The following ZNF799 variants were observed in gnomAD, a reference collection of about 807,000 sequenced individuals.
ZNF799 encodes the protein zinc finger protein 14.
Under a neutral mutation model 41.0 loss-of-function variants are expected in ZNF799, and 28 were observed. The ratio of observed to expected loss-of-function variants is 0.68; its 90% CI spans 0.51 to 0.94. The LOEUF is 0.94. Ranked by LOEUF, ZNF799 falls within the 40% of genes least tolerant of loss-of-function variation. The probability of loss-of-function intolerance (pLI) is 0.00; values close to 1 mark genes in which losing one functional copy is unlikely to be tolerated. For synonymous variants in ZNF799, 213 were observed against 252.9 expected, an observed-to-expected ratio of 0.84 and a Z score of 1.50; for missense variants, 716 against 764.3, an observed-to-expected ratio of 0.94 and a Z score of 0.74.
At chr19:12,399,265 T>C (rs1372076687) in intron 1 of ZNF799, among the ~76,000 whole-genome samples, 2 of 152,216 alleles carry the variant, frequency 1.3e-5, no homozygotes, top group Non-Finnish European at 2.9e-5. Flanking sequence ...AGACACTGCC[T>C]TGTGTGCTTT....
chr19:12,412,167 CTG>C, the ZNF799 span, among the ~76,000 whole-genome samples: 3 of 152,156 alleles, frequency 2.0e-5, no homozygotes, highest in Admixed American at 6.5e-5. Context: ...AAGCTGGACT[CTG>C]GGGAACTTGC....
At chr19:12,402,416 CT>C (rs745521629), upstream of ZNF799, among the ~76,000 whole-genome samples, 109 of 125,006 alleles carry the variant, frequency 8.7e-4, no homozygotes, top group East Asian at 7.4e-3. Flanking sequence ...CCCTTTATTT[CT>C]TTTTTTTTTT....
chr19:12,397,081 G>A (rs1969906285), intron 1 of ZNF799, among the ~76,000 whole-genome samples: 1 of 152,292 alleles, frequency 6.6e-6, no homozygotes, highest in South Asian at 2.1e-4. Context: ...TGTATTGGGT[G>A]GTTATAGTTT....
chr19:12,401,746 T>C (rs1969991900), upstream of ZNF799, among the ~76,000 whole-genome samples: 1 of 151,714 alleles, frequency 6.6e-6, no homozygotes, highest in Non-Finnish European at 1.5e-5. Context: ...GGCTAATTTT[T>C]GTATGTTTTA....
chr19:12,390,862 G>C lies in ZNF799; in HGVS notation c.1536C>G (p.Ala512=), dbSNP rs1969799495. 3 of 1,613,954 alleles carry C rather than the reference G, an allele frequency of 1.9e-6. No individual in the cohort carries two copies. In the East Asian group the frequency reaches 6.7e-5, roughly 36 times the overall value. Residue 512 remains alanine, a synonymous_variant, in exon 4 of 4, where the codon GCC becomes GCG. Coordinates refer to ENST00000430385, the MANE Select transcript of ZNF799 (RefSeq NM_001080821.3). ...CTTTTAAGTTACCAAAATGACTGAAGGCTTTCTTACATGTGTTACACTCAT... is the reference window on the plus strand; with the variant it reads ...CTTTTAAGTTACCAAAATGACTGAACGCTTTCTTACATGTGTTACACTCAT... The part of the protein sequence containing the change: ...KPYECNTCKK[A]FSHFGNLKVH...
At chr19:12,413,933 C>T in the ZNF799 span, among the ~76,000 whole-genome samples, 3 of 152,324 alleles carry the variant, frequency 2.0e-5, no homozygotes, top group African/African-American at 7.2e-5. Flanking sequence ...CTCCCGTCTC[C>T]GGACCCCTAG....
intron 1 of ZNF799, among the ~76,000 whole-genome samples, chr19:12,395,472 C>T (rs11666709): frequency 0.26 from 38,944 of 151,824 alleles, 5,428 homozygotes; most frequent in Non-Finnish European, 0.3. Context: ...ATCTACAATA[C>T]AACACGATCA....
upstream of ZNF799, among the ~76,000 whole-genome samples, chr19:12,406,168 CAAAA>C (rs940819306): frequency 3.4e-5 from 2 of 58,984 alleles, no homozygotes; most frequent in Non-Finnish European, 3.7e-5. Context: ...GACTCTGTCT[CAAAA>C]AAAAAAAAAA....
intron 1 of ZNF799, chr19:12,394,819 C>T (rs1314238438): frequency 1.0e-6 from 1 of 985,150 alleles, no homozygotes; most frequent in African/African-American, 1.7e-5. Flanking sequence ...CTAAAAAATG[C>T]TGAAAGCCTT....
chr19:12,390,083 T>A lies in ZNF799; in HGVS notation c.*383A>T, dbSNP rs1483568801. 3.6e-6 allele frequency: 1 copy of A among 277,388 alleles called. No individual in the cohort carries two copies. The highest frequency in any genetic ancestry group is 6.8e-6 in the Non-Finnish European group (1 of 147,682). The allele number at this position is 277,388 out of a possible 1,614,324, so 17.2% of individuals were successfully genotyped here. A position where few individuals can be genotyped will look rare whatever the true frequency, so the allele number is the denominator to read the frequency against. ...ACTATGTTGATAGGCTGACAATTAC[T>A]GCATCTATACTGAAAATACATAGAC... On this transcript the variant is annotated 3_prime_UTR_variant, in exon 4 of 4. Transcript: ENST00000430385.
chr19:12,405,752 A>C (rs1415969836), upstream of ZNF799, among the ~76,000 whole-genome samples: 5 of 152,354 alleles, frequency 3.3e-5, no homozygotes, highest in African/African-American at 9.6e-5. Flanking sequence ...GCAAAGAGTA[A>C]GCATAATTTT....
At chr19:12,410,174 T>TATAC in the ZNF799 span, among the ~76,000 whole-genome samples, 2,571 of 68,708 alleles carry the variant, frequency 0.037, 22 homozygotes, top group African/African-American at 0.062. Flanking sequence ...AATATATATA[T>TATAC]ATACATACAT....
At chr19:12,413,613 G>C in the ZNF799 span, among the ~76,000 whole-genome samples, 1 of 152,170 alleles carries the variant, frequency 6.6e-6, no homozygotes, top group African/African-American at 2.4e-5. Context: ...ACACACATGC[G>C]TACACGGTCA....
chr19:12,403,130 G>A (rs537668866), upstream of ZNF799, among the ~76,000 whole-genome samples: 4 of 144,736 alleles, frequency 2.8e-5, no homozygotes, highest in South Asian at 8.3e-4. Context: ...GTCTGTTCAG[G>A]TTTTTTATTT....
chr19:12,401,189 C>T lies in ZNF799; in HGVS notation c.-119G>A, dbSNP rs573921549. 7.0e-5 allele frequency: 111 copies of T among 1,583,388 alleles called. No individual in the cohort carries two copies. The African/African-American group carries it at 1.3e-3, about 19-fold the overall frequency. On this transcript the variant is annotated 5_prime_UTR_variant, in exon 1 of 4. It adds an upstream start codon to the 5' untranslated region. Transcript: ENST00000430385. ...CGTCTCTTAGCTACAGAGCCGAGCA[C>T]CGAGCGCCCAGCGCAGGTGGGTGGA...
At chr19:12,413,723 C>G in the ZNF799 span, among the ~76,000 whole-genome samples, 1 of 152,196 alleles carries the variant, frequency 6.6e-6, no homozygotes, top group African/African-American at 2.4e-5. Context: ...AAAGTTACCC[C>G]CTGGGGAAGG....
the ZNF799 span, among the ~76,000 whole-genome samples, chr19:12,408,702 T>G: frequency 1.3e-5 from 2 of 152,148 alleles, no homozygotes; most frequent in African/African-American, 4.8e-5. Flanking sequence ...AGAGACATAA[T>G]AATCCTTGAT....
At chr19:12,401,806 C>T (rs1969993330), upstream of ZNF799, among the ~76,000 whole-genome samples, 1 of 152,052 alleles carries the variant, frequency 6.6e-6, no homozygotes, top group African/African-American at 2.4e-5. Flanking sequence ...GAACTCCTGA[C>T]CTCGTGATCC....
chr19:12,391,632 T>A lies in ZNF799; in HGVS notation c.766A>T (p.Lys256Ter). ...TCAGGGAAGGCTTTAGAACACTGTT[T>A]ACATTCATACAGTTTCTCCCCAGTA... Reference protein sequence around the residue: ...THTGEKLYECKQCSKAFPDYS... With the variant: ...THTGEKLYEC The change falls in exon 4 of 4, where the codon AAA becomes TAA. Residue 256 changes from lysine (K) to a stop codon, truncating the protein, a stop_gained. Coordinates refer to ENST00000430385, the MANE Select transcript of ZNF799 (RefSeq NM_001080821.3). LOFTEE classifies it high-confidence loss of function. The A allele has an allele frequency of 6.2e-7, 1 of 1,611,814 alleles. No individual in the cohort carries two copies. The highest frequency in any genetic ancestry group is 8.5e-7 in the Non-Finnish European group (1 of 1,178,082).
Sources: allele counts gnomAD v4.1 joint callset (sites outside exome capture counted in the v4.1 genomes callset), GRCh38; gene constraint gnomAD v4.1.1; transcripts MANE v1.5; gene names NCBI Gene and HGNC (gene_info 2026-07-23, HGNC 2026-07-21).